Variants in SEPTIN12 observed in about 807,000 individuals in gnomAD.
SEPTIN12 encodes the protein septin-12.
A neutral mutation model predicts 37.7 loss-of-function variants in SEPTIN12; 42 were observed. The observed-to-expected ratio is 1.11, with a 90% CI of 0.87 to 1.44. The LOEUF is 1.44. Ranked by LOEUF, SEPTIN12 falls within the 40% of genes most tolerant of loss-of-function variation. The pLI is 0.00. For missense variants in SEPTIN12, 613 were observed against 479.2 expected (o/e 1.28, Z -2.61); for synonymous variants, 254 against 196.7 (o/e 1.29, Z -2.44).
At position 4,777,905 on chromosome 16, in the gene SEPTIN12, G is replaced by T. The variant is rs748910273; in HGVS notation, c.969C>A (p.Arg323=). Residue 323 remains arginine, a synonymous_variant, in exon 10 of 10, where the codon CGC becomes CGA. Coordinates refer to ENST00000268231, the MANE Select transcript of SEPTIN12 (RefSeq NM_144605.5). ...GGGCCAGGTTCACCCAGCCGGGCCCGCGGGGCAGCAGGTGGCTTTCATTGA... is the reference window on the plus strand; with the variant it reads ...GGGCCAGGTTCACCCAGCCGGGCCCTCGGGGCAGCAGGTGGCTTTCATTGA... ...IRLNESHLLP[R]GPGWVNLAPA... is the part of the protein sequence containing the mutation. 2.5e-6 allele frequency: 4 copies of T among 1,601,842 alleles called. No individual in the cohort carries two copies. Among genetic ancestry groups the T allele is most frequent in the South Asian group, 2.2e-5 (2 of 89,168 alleles).
chr16:4,788,522 G>GC (rs1240741436), upstream of SEPTIN12: 6 of 152,278 alleles, frequency 3.9e-5, 1 homozygote, highest in East Asian at 1.2e-3. Flanking sequence ...GGGGCCCAAG[G>GC]CCCCCTCGTC....
intron 2 of SEPTIN12, 124 bp downstream of exon 2, chr16:4,787,356 G>A (rs2082471483): frequency 1.2e-6 from 1 of 854,406 alleles, no homozygotes; most frequent in Admixed American, 1.7e-5. Context: ...ATCCCTGTGA[G>A]GTGCTATTAT....
intron 7 of SEPTIN12, among the ~76,000 whole-genome samples, chr16:4,781,989 T>G (rs535596076): frequency 1.5e-4 from 20 of 130,962 alleles, no homozygotes; most frequent in South Asian, 1.3e-3. Context: ...CTCACTCCCT[T>G]GCCCAGGCTG....
At chr16:4,779,960 G>A (rs879817070) in intron 7 of SEPTIN12, among the ~76,000 whole-genome samples, 174 bp from the exon 8 acceptor site, 9 of 152,018 alleles carry the variant, frequency 5.9e-5, no homozygotes, top group Non-Finnish European at 1.3e-4. Flanking sequence ...GGTGCCTCTG[G>A]CTGAGTGAGG....
Position 4,777,817 on chromosome 16 carries a change from C to A in SEPTIN12, c.1057G>T (p.Asp353Tyr). The A allele has an allele frequency of 6.4e-7, 1 of 1,568,952 alleles. No homozygotes were observed. Among genetic ancestry groups the A allele is most frequent in the East Asian group, 2.3e-5 (1 of 43,684 alleles). ...GGTGGTCAGAACTCATCATCAGAATCGTCATGGGCCCCCCTGCAGACCTTG... is the reference window on the plus strand; with the variant it reads ...GGTGGTCAGAACTCATCATCAGAATAGTCATGGGCCCCCCTGCAGACCTTG... ...TFKVCRGAHD[D>Y]SDDEF The change falls in exon 10 of 10, where the codon GAT becomes TAT. Residue 353 changes from aspartate (D) to tyrosine (Y), a missense_variant. Coordinates refer to ENST00000268231, the MANE Select transcript of SEPTIN12 (RefSeq NM_144605.5).
intron 7 of SEPTIN12, among the ~76,000 whole-genome samples, chr16:4,782,555 T>A (rs745915419): frequency 6.6e-6 from 1 of 152,188 alleles, no homozygotes; most frequent in Non-Finnish European, 1.5e-5. Flanking sequence ...TGAGCCATTT[T>A]ACTTTCCCTC....
At chr16:4,779,826 C>T (rs777595800) in intron 7 of SEPTIN12, 40 bp from the exon 8 acceptor site, 11 of 1,394,656 alleles carry the variant, frequency 7.9e-6, no homozygotes, top group Middle Eastern at 1.8e-4. Flanking sequence ...GGATTGACTT[C>T]GCTGGGGAGA....
rs1260114667 is a variant in SEPTIN12 at position 4,787,566 on chromosome 16, A to C, written c.80T>G (p.Leu27Arg). The change falls in exon 2 of 10, where the codon CTT (leucine) becomes CGT (arginine). Residue 27 changes from leucine (L) to arginine (R), a missense_variant. Coordinates refer to ENST00000268231, the MANE Select transcript of SEPTIN12 (RefSeq NM_144605.5). ...SSPSTPPCEM[L>R]GPVGIEAVLD... ...CACAGCCTCAATGCCCACAGGACCA[A>C]GCATCTCGCAGGGTGGGGTGCTGGG... is the stretch of plus-strand genomic sequence containing the variant. 1 of 1,610,848 alleles carries C rather than the reference A, an allele frequency of 6.2e-7. No individual in the cohort carries two copies. Among genetic ancestry groups the C allele is most frequent in the East Asian group, 2.2e-5 (1 of 44,874 alleles).
At chr16:4,784,189 G>T in intron 4 of SEPTIN12, 121 bp from the exon 5 acceptor site, 1 of 1,136,174 alleles carries the variant, frequency 8.8e-7, no homozygotes, top group Non-Finnish European at 1.3e-6. Flanking sequence ...GTTGGCCCGG[G>T]ACCTGTGGGT....
chr16:4,788,650 G>A (rs1299278331), upstream of SEPTIN12: 3 of 152,324 alleles, frequency 2.0e-5, no homozygotes, highest in Middle Eastern at 3.4e-3. Context: ...TGTGTTTTAA[G>A]TTGCAGCGTC....
In SEPTIN12 at chr16:4,783,517, G is replaced by T. The variant is rs1248641134; in HGVS notation, c.671C>A (p.Pro224His). The T allele has an allele frequency of 6.2e-7, 1 of 1,614,140 alleles. No homozygotes were observed. Among genetic ancestry groups the T allele is most frequent in the Admixed American group, 1.7e-5 (1 of 60,010 alleles). The change falls in exon 7 of 10, where the codon CCC becomes CAC. Residue 224 changes from proline (P) to histidine (H), a missense_variant. Coordinates refer to ENST00000268231, the MANE Select transcript of SEPTIN12 (RefSeq NM_144605.5). ...GATGTCCTCGTCAAAGCACATCTGGGGGTAGACGTCGATGCAGTGGGTCCT... is the reference window on the plus strand; with the variant it reads ...GATGTCCTCGTCAAAGCACATCTGGTGGTAGACGTCGATGCAGTGGGTCCT... ...NLRTHCIDVY[P>H]QMCFDEDIND...
chr16:4,786,481 A>G (rs1366185988), intron 2 of SEPTIN12, among the ~76,000 whole-genome samples: 2 of 151,846 alleles, frequency 1.3e-5, no homozygotes, highest in African/African-American at 4.8e-5. Flanking sequence ...CAGCCTCCCA[A>G]GTAGCTGGGA....
chr16:4,779,347 T>C (rs2082347471), intron 8 of SEPTIN12, among the ~76,000 whole-genome samples: 1 of 152,126 alleles, frequency 6.6e-6, no homozygotes, highest in Admixed American at 6.6e-5. Context: ...CTGCAGTAAC[T>C]GCACATAGCG....
chr16:4,777,926 A>G lies in SEPTIN12; in HGVS notation c.948T>C (p.Asn316=), dbSNP rs762846296. ...GCCCGCGGGGCAGCAGGTGGCTTTC[A>G]TTGAGTCTGATGACGCGGTAGTTCT... ...HYENYRVIRL[N]ESHLLPRGPG... is the part of the protein sequence containing the mutation. Residue 316 remains asparagine, a synonymous_variant, in exon 10 of 10, where the codon AAT becomes AAC. Transcript: ENST00000268231. 9 of 1,606,482 alleles carry G rather than the reference A, an allele frequency of 5.6e-6. No homozygotes were observed. Among genetic ancestry groups the G allele is most frequent in the Non-Finnish European group, 7.6e-6 (9 of 1,177,002 alleles).
intron 9 of SEPTIN12, 40 bp downstream of exon 9, chr16:4,778,046 C>T: frequency 6.2e-7 from 1 of 1,613,266 alleles, no homozygotes; most frequent in East Asian, 2.2e-5. Flanking sequence ...CCCCAGGGCC[C>T]CTCGCCAGCC....
Position 4,777,793 on chromosome 16 carries a change from G to A in SEPTIN12, c.*4C>T. On this transcript the variant is annotated 3_prime_UTR_variant, in exon 10 of 10. Transcript: ENST00000268231. ...AGCCCAGCAGCCCCGGGATCCGCCG[G>A]TGGTCAGAACTCATCATCAGAATCG... The A allele has an allele frequency of 6.6e-7, 1 of 1,518,400 alleles. No homozygotes were observed. Among genetic ancestry groups the A allele is most frequent in the Non-Finnish European group, 8.8e-7 (1 of 1,131,736 alleles). The allele number at this position is 1,518,400 out of a possible 1,614,324, so 94.1% of individuals were successfully genotyped here.
Position 4,777,849 on chromosome 16 carries a change from C to CGG in SEPTIN12, c.1023_1024dup (p.Arg342ProfsTer?). The CGG allele has an allele frequency of 6.3e-7, 1 of 1,595,048 alleles. No individual in the cohort carries two copies. The highest frequency in any genetic ancestry group is 2.3e-5 in the East Asian group (1 of 44,206). ...GGCCCCCCTGCAGACCTTGAAGGTC[C>CGG]GGGGGGTGGTCAGCTGTCCTGGGGA... On this transcript the variant is annotated frameshift_variant, in exon 10 of 10. Transcript: ENST00000268231. LOFTEE classifies it low-confidence loss of function (END_TRUNC).
intron 7 of SEPTIN12, among the ~76,000 whole-genome samples, chr16:4,781,277 T>C (rs1227135843): frequency 6.8e-6 from 1 of 146,858 alleles, no homozygotes; most frequent in African/African-American, 2.6e-5. Context: ...AAAAAGACCC[T>C]ATCTCATAAA....
intron 4 of SEPTIN12, among the ~76,000 whole-genome samples, chr16:4,785,026 C>A (rs2082421070): frequency 6.6e-6 from 1 of 152,004 alleles, no homozygotes; most frequent in Admixed American, 6.6e-5. Context: ...GTGGGCGGAC[C>A]ACCCGAGGTC....
Sources: allele counts gnomAD v4.1 joint callset (sites outside exome capture counted in the v4.1 genomes callset), GRCh38; gene constraint gnomAD v4.1.1; transcripts MANE v1.5; gene names NCBI Gene and HGNC (gene_info 2026-07-23, HGNC 2026-07-21).